The following UNC5A variants were observed in gnomAD, a reference collection of about 807,000 sequenced individuals.
UNC5A encodes the protein netrin receptor UNC5A.
Under a neutral mutation model 87.4 loss-of-function variants are expected in UNC5A, and 20 were observed. That is an observed-to-expected ratio of 0.23 (90% CI 0.16 to 0.33). UNC5A has a LOEUF of 0.33. Ranked by LOEUF, UNC5A falls within the 10% of genes least tolerant of loss-of-function variation. UNC5A has a pLI of 1.00. For missense variants in UNC5A, 844 were observed against 1,133.4 expected, an observed-to-expected ratio of 0.74 and a Z score of 3.67; for synonymous variants, 438 against 482.3, an observed-to-expected ratio of 0.91 and a Z score of 1.20.
At chr5:176,878,168 C>G (rs763668265) in intron 11 of UNC5A, 41 bp downstream of exon 11, 2 of 1,603,850 alleles carry the variant, frequency 1.2e-6, no homozygotes, top group Non-Finnish European at 1.7e-6. Flanking sequence ...GGAGGCCGAG[C>G]TATGCCTGGC....
intron 1 of UNC5A, among the ~76,000 whole-genome samples, chr5:176,830,445 G>A: frequency 6.6e-6 from 1 of 150,976 alleles, no homozygotes; most frequent in East Asian, 2.0e-4. Flanking sequence ...TGGCATGTGT[G>A]TGTGTGTGTT....
chr5:176,823,079 C>G (rs372903152), intron 1 of UNC5A, among the ~76,000 whole-genome samples: 37 of 151,336 alleles, frequency 2.4e-4, no homozygotes, highest in African/African-American at 9.0e-4. Context: ...GACGAGGCGT[C>G]CCTCCCTGAT....
rs145214251 is a variant in UNC5A, at chr5:176,868,176, C to G, written c.339C>G (p.Val113=). Residue 113 remains valine (V), a synonymous_variant, in exon 3 of 15, where the codon GTC becomes GTG. Coordinates refer to ENST00000329542, the MANE Select transcript of UNC5A (RefSeq NM_133369.3). Reference sequence around the variant, plus strand: ...GCATTAATGTCTCAAGGCAGCAGGTCGAGAAGGTGTTCGGGCTGGAGGAAT... The same window carrying G: ...GCATTAATGTCTCAAGGCAGCAGGTGGAGAAGGTGTTCGGGCTGGAGGAAT... ...EVRINVSRQQ[V]EKVFGLEEYW... 2.1e-4 allele frequency: 344 copies of G among 1,613,622 alleles called. 1 individual carries two copies. In the African/African-American group the frequency reaches 4.0e-3, roughly 19 times the overall value.
In UNC5A at chr5:176,838,647, A is replaced by G. The variant is rs1462196495; in HGVS notation, c.71-23977A>G. On this transcript the variant is annotated intron_variant, in intron 1 of 14. Coordinates refer to ENST00000329542, the MANE Select transcript of UNC5A (RefSeq NM_133369.3). The surrounding 1 kb of genome is among the most constrained non-coding windows in gnomAD (Gnocchi z 4.2). ...TGCTCTGTCTTCCCTGGTGTTGGCC[A>G]TATCCTCGGCTTCCCCAGGGCATCC... Among the ~76,000 whole-genome samples the G allele has an allele frequency of 6.6e-6, 1 of 152,236 alleles. No individual in the cohort carries two copies. The highest frequency in any genetic ancestry group is 1.5e-5 in the Non-Finnish European group (1 of 68,042).
chr5:176,843,500 C>G (rs767079753), intron 1 of UNC5A, among the ~76,000 whole-genome samples: 2 of 152,210 alleles, frequency 1.3e-5, no homozygotes, highest in Admixed American at 6.5e-5. Flanking sequence ...TGAAGCTATT[C>G]TGTGTCTTGA....
intron 1 of UNC5A, among the ~76,000 whole-genome samples, chr5:176,829,382 A>G (rs933603677): frequency 7.4e-6 from 1 of 134,274 alleles, no homozygotes; most frequent in African/African-American, 3.0e-5. Flanking sequence ...AAGTGGGTGG[A>G]TGGGTGGATG....
At chr5:176,843,488 G>A (rs1365456899) in intron 1 of UNC5A, among the ~76,000 whole-genome samples, 1 of 152,156 alleles carries the variant, frequency 6.6e-6, no homozygotes, top group Non-Finnish European at 1.5e-5. Flanking sequence ...AACTTTAGGG[G>A]GTGAAGCTAT....
In UNC5A at chr5:176,865,118, G is replaced by A. The variant is rs2149365080; in HGVS notation, c.292+2273G>A. 3.1e-6 allele frequency: 1 copy of A among 320,022 alleles called. No individual in the cohort carries two copies. The highest frequency in any genetic ancestry group is 9.9e-5 in the East Asian group (1 of 10,066). The allele number at this position is 320,022 out of a possible 1,614,324, so 19.8% of individuals were successfully genotyped here. A position where few individuals can be genotyped will look rare whatever the true frequency, so the allele number is the denominator to read the frequency against. On this transcript the variant is annotated intron_variant, in intron 2 of 14. Transcript: ENST00000329542. This position sits in a 1 kb window ranked among gnomAD's most constrained non-coding sequence, Gnocchi z 5.3. The stretch of plus-strand genomic sequence containing the variant: ...ACGTGCCCAGTCAGGACCCAGCACG[G>A]GGCCTTTCCTTTCTCCCCACCCCAC...
chr5:176,853,201 C>T (rs562451401), intron 1 of UNC5A, among the ~76,000 whole-genome samples: 8 of 152,288 alleles, frequency 5.3e-5, no homozygotes, highest in South Asian at 4.1e-4. Flanking sequence ...CTCCTGGCCC[C>T]GGCCATTTGG....
chr5:176,862,061 G>A (rs1418087346), intron 1 of UNC5A, among the ~76,000 whole-genome samples: 1 of 152,250 alleles, frequency 6.6e-6, no homozygotes, highest in Non-Finnish European at 1.5e-5. Context: ...CCTTGAAGGA[G>A]GTGGCCCAGG....
intron 1 of UNC5A, among the ~76,000 whole-genome samples, chr5:176,859,404 T>C (rs866147694): frequency 6.1e-3 from 775 of 126,822 alleles, no homozygotes; most frequent in African/African-American, 0.026. Context: ...TGCTAGAATG[T>C]CCTTGCTAGA....
Position 176,810,814 on chromosome 5 carries a change from G to C in UNC5A, c.64G>C (p.Gly22Arg). The change falls in exon 1 of 15, where the codon GGC becomes CGC. Residue 22 changes from glycine to arginine, a missense_variant. Physicochemically the swap from Gly to Arg is moderately radical, Grantham distance 125. Around this residue, in one of 3 missense-constraint regions of UNC5A, gnomAD observed 314 missense variants for 466.5 expected, o/e 0.67. Transcript: ENST00000329542. This position sits in a 1 kb window ranked among gnomAD's most constrained non-coding sequence, Gnocchi z 7.3. ...CATAGTCCTCGCCGCTTGGCTCCGC[G>C]GCTCGGGTGAGTCACGCCGCGCGCG... ...LGIVLAAWLR[G>R]SGAQQSATVA... 1.6e-6 allele frequency: 2 copies of C among 1,221,948 alleles called. No individual in the cohort carries two copies. The highest frequency in any genetic ancestry group is 2.0e-6 in the Non-Finnish European group (2 of 981,454). The allele number at this position is 1,221,948 out of a possible 1,614,324, so 75.7% of individuals were successfully genotyped here.
chr5:176,855,597 C>T (rs959386363), intron 1 of UNC5A, among the ~76,000 whole-genome samples: 7 of 152,214 alleles, frequency 4.6e-5, no homozygotes, highest in African/African-American at 4.8e-5. Context: ...GAGAATTGCA[C>T]GTGGCGAAGA....
At chr5:176,835,623 G>A (rs1256916211) in intron 1 of UNC5A, among the ~76,000 whole-genome samples, 1 of 152,208 alleles carries the variant, frequency 6.6e-6, no homozygotes, top group African/African-American at 2.4e-5. Context: ...CCAGCGTGCA[G>A]GTGTGCCAGT....
At chr5:176,820,707 C>T (rs894134995) in intron 1 of UNC5A, among the ~76,000 whole-genome samples, 1 of 152,146 alleles carries the variant, frequency 6.6e-6, no homozygotes, top group African/African-American at 2.4e-5. Context: ...CTTCTAGAAC[C>T]GTGCCTGGAG....
In UNC5A at chr5:176,868,918, C is replaced by T; in HGVS notation, c.675C>T (p.Asn225=). The part of the protein sequence containing the change: ...DTANYTCVAK[N]IVARRRSASA... Reference sequence around the variant, plus strand: ...CCAACTACACCTGCGTGGCCAAGAACATCGTGGCACGTCGCCGCAGCGCCT... The same window carrying T: ...CCAACTACACCTGCGTGGCCAAGAATATCGTGGCACGTCGCCGCAGCGCCT... Residue 225 remains asparagine (N), a synonymous_variant, in exon 5 of 15, where the codon AAC becomes AAT. Transcript: ENST00000329542. 6.2e-7 allele frequency: 1 copy of T among 1,612,404 alleles called. No individual in the cohort carries two copies. Among genetic ancestry groups the T allele is most frequent in the Non-Finnish European group, 8.5e-7 (1 of 1,179,630 alleles).
At chr5:176,834,459 G>A (rs549002297) in intron 1 of UNC5A, among the ~76,000 whole-genome samples, 1 of 152,300 alleles carries the variant, frequency 6.6e-6, no homozygotes, top group Non-Finnish European at 1.5e-5. Context: ...AGTTTTCTAT[G>A]GAGCATTCTC....
chr5:176,827,096 T>TG (rs1756873393), intron 1 of UNC5A, among the ~76,000 whole-genome samples: 1 of 152,032 alleles, frequency 6.6e-6, no homozygotes, highest in South Asian at 2.1e-4. Context: ...TGTGGTCCTC[T>TG]GTGCCTGGCC....
At position 176,874,571 on chromosome 5, in the gene UNC5A, G is replaced by A. The variant is rs1463592215; in HGVS notation, c.1378+5G>A. 3 of 1,533,862 alleles carry A rather than the reference G, an allele frequency of 2.0e-6. No individual in the cohort carries two copies. The highest frequency in any genetic ancestry group is 2.3e-5 in the East Asian group (1 of 43,478). On this transcript the variant is annotated splice_donor_5th_base_variant and intron_variant, in intron 8 of 14. Coordinates refer to ENST00000329542, the MANE Select transcript of UNC5A (RefSeq NM_133369.3). This position sits in a 1 kb window ranked among gnomAD's most constrained non-coding sequence, Gnocchi z 7.6. ...GGCTGATGATCCCTAATACAGGTAG[G>A]AAGGACCCCAGGGGGCTCTGAGAGC...
Sources: gnomAD v4.1 joint callset for allele counts (sites outside exome capture counted in the v4.1 genomes callset) on GRCh38, gnomAD v4.1.1 for gene constraint, gnomAD v4.1.1 regional missense constraint, Gnocchi (gnomAD v3.1) non-coding constraint, MANE v1.5 for transcripts, NCBI Gene and HGNC (gene_info 2026-07-23, HGNC 2026-07-21) for gene names.